Variants in ZER1 observed in about 807,000 individuals in gnomAD.
ZER1 encodes the protein protein zer-1 homolog.
ZER1 carries 11 observed loss-of-function variants against 78.8 expected under a neutral mutation model. That is an observed-to-expected ratio of 0.14 (90% CI 0.09 to 0.23). The LOEUF (loss-of-function observed/expected upper bound fraction) is 0.23, where lower values mean the gene tolerates loss of function less well. Ranked by LOEUF, ZER1 falls within the 10% of genes least tolerant of loss-of-function variation. The probability of loss-of-function intolerance (pLI) is 1.00; values close to 1 mark genes in which losing one functional copy is unlikely to be tolerated. For synonymous variants in ZER1, 400 were observed against 407.0 expected, an observed-to-expected ratio of 0.98 and a Z score of 0.21; for missense variants, 588 against 996.9, an observed-to-expected ratio of 0.59 and a Z score of 5.52.
At position 128,755,698 on chromosome 9, in the gene ZER1, G is replaced by T; in HGVS notation, c.-94-39C>A. On this transcript the variant is annotated intron_variant, in intron 1 of 15. Coordinates refer to ENST00000291900, the MANE Select transcript of ZER1 (RefSeq NM_006336.4). This position sits in a 1 kb window ranked among gnomAD's most constrained non-coding sequence, Gnocchi z 5.6. Reference sequence around the variant, plus strand: ...AAGATGCCAAGTGAGCCACACACAAGGGCTAGAACTATCAGTGGTCCCATG... The same window carrying T: ...AAGATGCCAAGTGAGCCACACACAATGGCTAGAACTATCAGTGGTCCCATG... The T allele has an allele frequency of 8.5e-7, 1 of 1,169,820 alleles. No individual in the cohort carries two copies. The allele number at this position is 1,169,820 out of a possible 1,614,324, so 72.5% of individuals were successfully genotyped here. A position where few individuals can be genotyped will look rare whatever the true frequency, so the allele number is the denominator to read the frequency against.
At chr9:128,756,627 G>T (rs1255009110) in intron 1 of ZER1, among the ~76,000 whole-genome samples, 1 of 152,128 alleles carries the variant, frequency 6.6e-6, no homozygotes, top group Non-Finnish European at 1.5e-5. Context: ...TTGAGTGAAA[G>T]AAATCAGTTT....
intron 8 of ZER1, among the ~76,000 whole-genome samples, chr9:128,743,531 C>G (rs1176629154): frequency 6.6e-6 from 1 of 152,124 alleles, no homozygotes; most frequent in African/African-American, 2.4e-5. Context: ...AAGTGATCCT[C>G]CCTCCTCAGC....
intron 13 of ZER1, among the ~76,000 whole-genome samples, chr9:128,735,865 C>A (rs887082857): frequency 6.7e-6 from 1 of 148,994 alleles, no homozygotes; most frequent in Non-Finnish European, 1.5e-5. Flanking sequence ...GCAACCTCTG[C>A]CTCCTGGGTT....
intron 13 of ZER1, among the ~76,000 whole-genome samples, chr9:128,737,489 C>T (rs1863126546): frequency 6.6e-6 from 1 of 152,174 alleles, no homozygotes. Context: ...TCCATCTGTA[C>T]AGGATGGCAC....
chr9:128,747,148 G>C (rs754686545), intron 8 of ZER1, among the ~76,000 whole-genome samples: 6 of 150,758 alleles, frequency 4.0e-5, no homozygotes, highest in Admixed American at 6.6e-5. Context: ...GTAGTGAGCC[G>C]AGATCACACC....
At chr9:128,746,021 G>A (rs767905139) in intron 8 of ZER1, 8 of 151,582 alleles carry the variant, frequency 5.3e-5, no homozygotes, top group Admixed American at 1.3e-4. Flanking sequence ...TGTATTTTTG[G>A]TAGAGATGGA....
In ZER1 at chr9:128,754,027, C is replaced by T; in HGVS notation, c.159-68G>A. ...CTCTCATCCTCGCTTCAAAGCCAAG[C>T]CCTCCTCCCCCTGAAGCTTTCTTGG... On this transcript the variant is annotated intron_variant, in intron 2 of 15. Coordinates refer to ENST00000291900, the MANE Select transcript of ZER1 (RefSeq NM_006336.4). This position sits in a 1 kb window ranked among gnomAD's most constrained non-coding sequence, Gnocchi z 4.3. 1 of 1,521,220 alleles carries T rather than the reference C, an allele frequency of 6.6e-7. No homozygotes were observed. The highest frequency in any genetic ancestry group is 8.9e-7 in the Non-Finnish European group (1 of 1,128,606). 94.2% of individuals were successfully genotyped at this position (1,521,220 alleles called of 1,614,324 possible).
At chr9:128,743,101 A>C (rs140503186) in intron 8 of ZER1, among the ~76,000 whole-genome samples, 26 of 150,952 alleles carry the variant, frequency 1.7e-4, no homozygotes, top group African/African-American at 5.6e-4. Context: ...CCACTACAAT[A>C]TCTCTGCTTT....
intron 1 of ZER1, among the ~76,000 whole-genome samples, chr9:128,760,546 T>C (rs1048922941): frequency 6.6e-6 from 1 of 152,150 alleles, no homozygotes; most frequent in Non-Finnish European, 1.5e-5. Context: ...CAGACAGATC[T>C]ATGTTTTGAC....
chr9:128,749,463 GAAA>G (rs1175911445), intron 8 of ZER1, among the ~76,000 whole-genome samples: 1 of 151,980 alleles, frequency 6.6e-6, no homozygotes, highest in Non-Finnish European at 1.5e-5. Context: ...CATCTGAAAT[GAAA>G]AAAAGTTTTT....
chr9:128,749,285 G>GC (rs1863601549), intron 8 of ZER1, among the ~76,000 whole-genome samples: 2 of 151,724 alleles, frequency 1.3e-5, no homozygotes, highest in South Asian at 4.2e-4. Context: ...CCAAGATTGT[G>GC]CACTGCACTC....
Position 128,750,744 on chromosome 9 carries a change from G to T in ZER1, c.1231C>A (p.Gln411Lys). The change falls in exon 8 of 16, where the codon CAA becomes AAA. Residue 411 changes from glutamine to lysine, a missense_variant. Gln to Lys is a moderately conservative substitution (Grantham distance 53). Transcript: ENST00000291900. ...AAGAGAGCGGCGCTGCCTGTCACTT[G>T]AATGTTCCTGTCATATTTGTGGCAC... ...LKCHKYDRNI[Q>K]VTGSAALFYL... 2 of 1,614,238 alleles carry T rather than the reference G, an allele frequency of 1.2e-6. No homozygotes were observed. The highest frequency in any genetic ancestry group is 1.7e-6 in the Non-Finnish European group (2 of 1,180,046).
chr9:128,738,044 T>C (rs1863147857), intron 13 of ZER1, among the ~76,000 whole-genome samples: 1 of 146,058 alleles, frequency 6.8e-6, no homozygotes, highest in Non-Finnish European at 1.5e-5. Flanking sequence ...TTTATTTTTA[T>C]TTTTATTTAT....
At chr9:128,741,072 AG>A (rs1202658274) in intron 11 of ZER1, among the ~76,000 whole-genome samples, 185 bp from the exon 12 acceptor site, 1 of 152,170 alleles carries the variant, frequency 6.6e-6, no homozygotes, top group African/African-American at 2.4e-5. Flanking sequence ...AAGGAATTAA[AG>A]GGGTGGGATT....
chr9:128,734,291 G>A (rs1862981946), intron 14 of ZER1, among the ~76,000 whole-genome samples: 2 of 146,046 alleles, frequency 1.4e-5, no homozygotes, highest in Admixed American at 1.4e-4. Flanking sequence ...CTGCCTCCTG[G>A]GTTCAAACGA....
chr9:128,759,092 G>A (rs924697973), intron 1 of ZER1, among the ~76,000 whole-genome samples: 1 of 151,888 alleles, frequency 6.6e-6, no homozygotes, highest in Non-Finnish European at 1.5e-5. Context: ...CACCTCCCGG[G>A]TTCAAGTCAT....
chr9:128,742,751 C>T lies in ZER1; in HGVS notation c.1360-6G>A, dbSNP rs1399852812. 1 of 1,598,016 alleles carries T rather than the reference C, an allele frequency of 6.3e-7. No homozygotes were observed. Among genetic ancestry groups the T allele is most frequent in the Non-Finnish European group, 8.5e-7 (1 of 1,173,016 alleles). ...AGGCAGCAGTTCCGCTGCACCTGGGCCGGGACAGGACACAAGTGGGGCACA... is the reference window on the plus strand; with the variant it reads ...AGGCAGCAGTTCCGCTGCACCTGGGTCGGGACAGGACACAAGTGGGGCACA... On this transcript the variant is annotated splice_polypyrimidine_tract_variant and splice_region_variant and intron_variant, in intron 8 of 15. Coordinates refer to ENST00000291900, the MANE Select transcript of ZER1 (RefSeq NM_006336.4).
At chr9:128,764,234 T>C (rs1319363362) in intron 1 of ZER1, among the ~76,000 whole-genome samples, 1 of 152,054 alleles carries the variant, frequency 6.6e-6, no homozygotes, top group Non-Finnish European at 1.5e-5. Context: ...CAAAGGCCTG[T>C]GGAAGGAATG....
intron 1 of ZER1, among the ~76,000 whole-genome samples, chr9:128,760,744 G>A (rs1233044670): frequency 1.3e-5 from 2 of 151,504 alleles, no homozygotes; most frequent in African/African-American, 4.9e-5. Flanking sequence ...AGCGAGCCAA[G>A]ATTGCGCCAC....
Sources: gnomAD v4.1 joint callset for allele counts (sites outside exome capture counted in the v4.1 genomes callset) on GRCh38, gnomAD v4.1.1 for gene constraint, Gnocchi (gnomAD v3.1) non-coding constraint, MANE v1.5 for transcripts, NCBI Gene and HGNC (gene_info 2026-07-23, HGNC 2026-07-21) for gene names.